The following PABIR2 variants were observed in gnomAD, a reference collection of about 807,000 sequenced individuals.
PABIR2 encodes family with sequence similarity 122B.
PABIR2 carries 7 observed loss-of-function variants against 22.8 expected under a neutral mutation model. The observed-to-expected ratio is 0.31, with a 90% confidence interval of 0.17 to 0.58. The LOEUF is 0.58. Ranked by LOEUF, PABIR2 falls within the 20% of genes least tolerant of loss-of-function variation. The pLI is 0.89. For synonymous variants in PABIR2, 67 were observed against 73.8 expected (o/e 0.91, Z 0.47); for missense variants, 155 against 205.1 (o/e 0.76, Z 1.49).
intron 6 of PABIR2, 83 bp from the exon 7 acceptor site, chrX:134,787,616 T>C: frequency 3.8e-6 from 3 of 791,589 alleles, no homozygotes; most frequent in Non-Finnish European, 5.2e-6. Context: ...CTTTCTTTTT[T>C]TTTTTTTTTT....
chrX:134,783,352 T>A (rs748229006), intron 8 of PABIR2, among the ~76,000 whole-genome samples: 6 of 112,361 alleles, frequency 5.3e-5, no homozygotes, highest in Non-Finnish European at 1.1e-4. Context: ...AAATACCTGT[T>A]CCCCTAACGT....
At chrX:134,788,954 G>A (rs1475839955) in intron 5 of PABIR2, 123 bp from the exon 6 acceptor site, 7 of 1,032,431 alleles carry the variant, frequency 6.8e-6, no homozygotes, top group Non-Finnish European at 9.3e-6. Context: ...TGCTGGAAAA[G>A]CAGAGATCAA....
Position 134,772,077 on chromosome X carries a change from T to C in PABIR2, c.*62A>G. 2 of 1,138,237 alleles carry C rather than the reference T, an allele frequency of 1.8e-6. No individual in the cohort carries two copies. The highest frequency in any genetic ancestry group is 1.8e-5 in the African/African-American group (1 of 55,654). 93.8% of individuals were successfully genotyped at this position (1,138,237 alleles called of 1,213,427 possible). A position where few individuals can be genotyped will look rare whatever the true frequency, so the allele number is the denominator to read the frequency against. ...TCATTATGGATCAAAGTTCTCTGCG[T>C]TCCCCACTAAACATTTTATGTAGGA... On this transcript the variant is annotated 3_prime_UTR_variant, in exon 10 of 10. Transcript: ENST00000343004.
intron 2 of PABIR2, among the ~76,000 whole-genome samples, chrX:134,791,893 C>A (rs2079558314): frequency 9.0e-6 from 1 of 111,713 alleles, no homozygotes; most frequent in African/African-American, 3.3e-5. Context: ...CTACCAATCT[C>A]TACTCCTACT....
In PABIR2 at chrX:134,796,212, C is replaced by T. The variant is rs778335814; in HGVS notation, c.-7G>A. 8.3e-7 allele frequency: 1 copy of T among 1,202,645 alleles called. No homozygotes were observed. Among genetic ancestry groups the T allele is most frequent in the Non-Finnish European group, 1.1e-6 (1 of 888,673 alleles). ...CCATTTTCTCCTGAGCCATGTCAGACTTGCAGGCAGGCACAGCGGGCAGTG... is the reference window on the plus strand; with the variant it reads ...CCATTTTCTCCTGAGCCATGTCAGATTTGCAGGCAGGCACAGCGGGCAGTG... On this transcript the variant is annotated 5_prime_UTR_variant, in exon 1 of 10. Coordinates refer to ENST00000343004, the MANE Select transcript of PABIR2 (RefSeq NM_001387468.1).
intron 2 of PABIR2, among the ~76,000 whole-genome samples, chrX:134,790,571 CT>C (rs1253149882): frequency 8.1e-5 from 9 of 111,591 alleles, no homozygotes; most frequent in Non-Finnish European, 1.5e-4. Context: ...CAGAGTTTCG[CT>C]CTTGTTGCCC....
Position 134,770,235 on chromosome X carries a change from T to C in PABIR2, c.*1904A>G, listed in dbSNP as rs925317440. 4.5e-5 allele frequency: 5 copies of C among 112,351 alleles called. No homozygotes were observed. Among genetic ancestry groups the C allele is most frequent in the Non-Finnish European group, 7.5e-5 (4 of 53,213 alleles). 9.3% of individuals were successfully genotyped at this position (112,351 alleles called of 1,213,427 possible). A position where few individuals can be genotyped will look rare whatever the true frequency, so the allele number is the denominator to read the frequency against. On this transcript the variant is annotated 3_prime_UTR_variant, in exon 10 of 10. Transcript: ENST00000343004. ...GGCAGAACATTTTGACATGATCTTT[T>C]ACAAACAGAATAGATACACTGCATA...
In PABIR2 at chrX:134,783,034, A is replaced by C. The variant is rs1299436118; in HGVS notation, c.563-1117T>G. Among the ~76,000 whole-genome samples, 4 of 111,898 alleles carry C rather than the reference A, an allele frequency of 3.6e-5. No individual in the cohort carries two copies. The East Asian group carries it at 8.4e-4, about 23-fold the overall frequency. ...TTTCGGAATAGCTGTAAAACTAAACAACCATACTAATTCCTTCAACTTCCT... is the reference window on the plus strand; with the variant it reads ...TTTCGGAATAGCTGTAAAACTAAACCACCATACTAATTCCTTCAACTTCCT... On this transcript the variant is annotated intron_variant, in intron 8 of 9. Coordinates refer to ENST00000343004, the MANE Select transcript of PABIR2 (RefSeq NM_001387468.1).
chrX:134,783,425 T>C (rs2079208847), intron 8 of PABIR2, among the ~76,000 whole-genome samples: 1 of 112,434 alleles, frequency 8.9e-6, no homozygotes, highest in African/African-American at 3.2e-5. Context: ...ACTTGCTGAA[T>C]TGCTTTTAAA....
chrX:134,778,607 G>T (rs1191505128), intron 9 of PABIR2, among the ~76,000 whole-genome samples: 1 of 110,385 alleles, frequency 9.1e-6, no homozygotes, highest in Non-Finnish European at 1.9e-5. Context: ...TAGCACAATT[G>T]TAAGCTTTAA....
At position 134,773,204 on chromosome X, in the gene PABIR2, C is replaced by T. The variant is rs183136155; in HGVS notation, c.660-921G>A. 5.4e-5 allele frequency among the ~76,000 whole-genome samples: 6 copies of T among 110,904 alleles called. No homozygotes were observed. The East Asian group carries it at 1.7e-3, about 31-fold the overall frequency. On this transcript the variant is annotated intron_variant, in intron 9 of 9. Transcript: ENST00000343004. ...GTCTGGCATCAAGCTGCCTTTCTGG[C>T]TTTGGTTTCCATCAATCCAGTAATA...
chrX:134,771,625 A>G lies in PABIR2; in HGVS notation c.*514T>C, dbSNP rs1201354627. ...ACAGGAAAGGGAAACAAAATAATGT[A>G]CTTGAAGCTGATGCAGAAAAATAAA... On this transcript the variant is annotated 3_prime_UTR_variant, in exon 10 of 10. Transcript: ENST00000343004. 10 of 855,972 alleles carry G rather than the reference A, an allele frequency of 1.2e-5. No individual in the cohort carries two copies. The highest frequency in any genetic ancestry group is 1.4e-5 in the Non-Finnish European group (10 of 702,882). The allele number at this position is 855,972 out of a possible 1,213,427, so 70.5% of individuals were successfully genotyped here.
intron 8 of PABIR2, among the ~76,000 whole-genome samples, chrX:134,785,445 A>AGT (rs2079284442): frequency 9.1e-6 from 1 of 109,426 alleles, no homozygotes; most frequent in Non-Finnish European, 1.9e-5. Flanking sequence ...GATCACAGTC[A>AGT]ATTTTTTTTT....
intron 2 of PABIR2, among the ~76,000 whole-genome samples, chrX:134,790,938 A>G (rs1304078581): frequency 8.9e-6 from 1 of 112,048 alleles, no homozygotes; most frequent in African/African-American, 3.2e-5. Flanking sequence ...TACAGCAGGA[A>G]GACTCTCCAA....
chrX:134,771,961 C>T lies in PABIR2; in HGVS notation c.*178G>A. On this transcript the variant is annotated 3_prime_UTR_variant, in exon 10 of 10. Transcript: ENST00000343004. ...CAGCAAAACCAGATACTAGTAAGGT[C>T]ACTAGGCTCACAAAATTGAACTTTG... 2.1e-6 allele frequency: 2 copies of T among 974,359 alleles called. No individual in the cohort carries two copies. Among genetic ancestry groups the T allele is most frequent in the South Asian group, 4.6e-5 (1 of 21,831 alleles). The allele number at this position is 974,359 out of a possible 1,213,427, so 80.3% of individuals were successfully genotyped here. A position where few individuals can be genotyped will look rare whatever the true frequency, so the allele number is the denominator to read the frequency against.
chrX:134,790,760 G>C (rs985746095), intron 2 of PABIR2, among the ~76,000 whole-genome samples: 2 of 112,148 alleles, frequency 1.8e-5, no homozygotes, highest in Non-Finnish European at 3.8e-5. Flanking sequence ...TTTTAGTAGA[G>C]ACGGGGTTTC....
chrX:134,793,282 A>G (rs1338429832), intron 2 of PABIR2, among the ~76,000 whole-genome samples: 1 of 112,117 alleles, frequency 8.9e-6, no homozygotes, highest in African/African-American at 3.2e-5. Flanking sequence ...AACTGCTACT[A>G]TATAAAAAAC....
At chrX:134,784,590 G>C (rs1391914161) in intron 8 of PABIR2, among the ~76,000 whole-genome samples, 1 of 108,830 alleles carries the variant, frequency 9.2e-6, no homozygotes. Flanking sequence ...GAATTCTCCA[G>C]CCTCACCCTC....
In PABIR2 at chrX:134,771,443, C is replaced by T. The variant is rs1343352106; in HGVS notation, c.*696G>A. On this transcript the variant is annotated 3_prime_UTR_variant, in exon 10 of 10. Transcript: ENST00000343004. ...ACTGTGGTAGCAAAGTCATAAGAAC[C>T]TGTGATGACTAATCCAAGCATCCTG... is the stretch of plus-strand genomic sequence containing the variant. 7.1e-5 allele frequency: 77 copies of T among 1,088,122 alleles called. No homozygotes were observed. The highest frequency in any genetic ancestry group is 9.0e-5 in the Non-Finnish European group (76 of 842,270). The allele number at this position is 1,088,122 out of a possible 1,213,427, so 89.7% of individuals were successfully genotyped here.
Sources: gnomAD v4.1 joint callset for allele counts (sites outside exome capture counted in the v4.1 genomes callset) on GRCh38, gnomAD v4.1.1 for gene constraint, MANE v1.5 for transcripts, NCBI Gene and HGNC (gene_info 2026-07-23, HGNC 2026-07-21) for gene names.